Variants in NNT observed in about 807,000 individuals in gnomAD.
NNT encodes nicotinamide nucleotide transhydrogenase, also known as NAD(P) transhydrogenase, mitochondrial.
Under a neutral mutation model 104.8 loss-of-function variants are expected in NNT, and 50 were observed. The ratio of observed to expected loss-of-function variants is 0.48; its 90% CI spans 0.38 to 0.60. NNT has a LOEUF of 0.60. Among genes scored for constraint, NNT ranks in the 20% least tolerant of loss-of-function variants. The pLI, the probability that NNT is intolerant of heterozygous loss-of-function variation, is 0.00. For synonymous variants in NNT, 461 were observed against 490.4 expected (o/e 0.94, Z 0.79); for missense variants, 1,131 against 1,330.7 (o/e 0.85, Z 2.33).
At chr5:43,664,333 T>C (rs2112002043) in intron 17 of NNT, among the ~76,000 whole-genome samples, 1 of 152,348 alleles carries the variant, frequency 6.6e-6, no homozygotes, top group African/African-American at 2.4e-5. Flanking sequence ...GATCGAATTT[T>C]CTGATTTTTG....
Position 43,624,172 on chromosome 5 carries a change from G to T in NNT, c.776+52G>T, listed in dbSNP as rs1401388239. On this transcript the variant is annotated intron_variant, in intron 6 of 21. Coordinates refer to ENST00000344920, the MANE Select transcript of NNT (RefSeq NM_182977.3). ...TAAGGTAAAAACATTTTGTTTCAGG[G>T]GCATATTATGATTGCCTTAAAACTT... The T allele has an allele frequency of 4.6e-6, 7 of 1,518,766 alleles. No individual in the cohort carries two copies. The South Asian group carries it at 7.9e-5, about 17-fold the overall frequency. The allele number at this position is 1,518,766 out of a possible 1,614,324, so 94.1% of individuals were successfully genotyped here. A position where few individuals can be genotyped will look rare whatever the true frequency, so the allele number is the denominator to read the frequency against.
At chr5:43,615,803 TTAAAG>T (rs764357020) in intron 3 of NNT, 40 bp from the exon 4 acceptor site, 10 of 1,403,684 alleles carry the variant, frequency 7.1e-6, no homozygotes, top group African/African-American at 1.5e-5. Context: ...AAAAATATGA[TTAAAG>T]TATTTATATT....
intron 12 of NNT, 53 bp from the exon 13 acceptor site, chr5:43,651,686 G>T: frequency 1.3e-6 from 2 of 1,580,804 alleles, no homozygotes; most frequent in Middle Eastern, 1.7e-4. Context: ...AAATCATGTT[G>T]CTCAGTGAGC....
intron 1 of NNT, among the ~76,000 whole-genome samples, chr5:43,607,339 T>G (rs1335198619): frequency 1.3e-5 from 2 of 152,212 alleles, no homozygotes; most frequent in African/African-American, 2.4e-5. Flanking sequence ...ACTGATCAAT[T>G]GACCTTGTGA....
At chr5:43,700,096 C>G (rs370562558) in intron 19 of NNT, 23 bp from the exon 20 acceptor site, 1 of 1,580,936 alleles carries the variant, frequency 6.3e-7, no homozygotes, top group South Asian at 1.1e-5. Context: ...GTAAGGCCAG[C>G]TCTTCATTTG....
At chr5:43,652,170 A>G (rs1326248204) in intron 13 of NNT, among the ~76,000 whole-genome samples, 1 of 152,216 alleles carries the variant, frequency 6.6e-6, no homozygotes, top group African/African-American at 2.4e-5. Context: ...GGTTATCAGT[A>G]TCTTCATTAT....
chr5:43,669,509 A>C lies in NNT; in HGVS notation c.2635-6002A>C, dbSNP rs1274358671. On this transcript the variant is annotated intron_variant, in intron 17 of 21. Transcript: ENST00000344920. ...GCATGAAGAGTTGTTGAATTTTGTC[A>C]AAGGCCTTTTCTGCATCTATTGAGA... 3.9e-5 allele frequency among the ~76,000 whole-genome samples: 6 copies of C among 152,152 alleles called. No individual in the cohort carries two copies. In the East Asian group the frequency reaches 7.7e-4, roughly 20 times the overall value.
intron 7 of NNT, among the ~76,000 whole-genome samples, chr5:43,637,596 A>C (rs1280175976): frequency 2.0e-5 from 3 of 152,062 alleles, no homozygotes; most frequent in Admixed American, 6.6e-5. Context: ...GTGCTCCTTC[A>C]TGCTTTCCTC....
At chr5:43,679,254 T>G (rs1420839449) in intron 19 of NNT, among the ~76,000 whole-genome samples, 1 of 152,272 alleles carries the variant, frequency 6.6e-6, no homozygotes, top group Non-Finnish European at 1.5e-5. Context: ...AGAAACTGTT[T>G]TCTCTATTTA....
chr5:43,651,694 A>G (rs753423375), intron 12 of NNT, 45 bp from the exon 13 acceptor site: 1 of 1,599,306 alleles, frequency 6.3e-7, no homozygotes, highest in Admixed American at 1.7e-5. Context: ...TTGCTCAGTG[A>G]GCTCAAAGAG....
At chr5:43,691,664 A>T (rs1231525343) in intron 19 of NNT, among the ~76,000 whole-genome samples, 1 of 152,258 alleles carries the variant, frequency 6.6e-6, no homozygotes. Flanking sequence ...GCTGATTAAT[A>T]ATGCAATGTG....
intron 19 of NNT, among the ~76,000 whole-genome samples, chr5:43,696,297 T>C (rs1212483221): frequency 2.0e-5 from 3 of 152,202 alleles, no homozygotes; most frequent in African/African-American, 7.2e-5. Flanking sequence ...CAATCAAATC[T>C]TAAAGCTCAA....
At chr5:43,698,207 A>AAT (rs997969455) in intron 19 of NNT, among the ~76,000 whole-genome samples, 16 of 151,776 alleles carry the variant, frequency 1.1e-4, no homozygotes, top group South Asian at 2.1e-4. Context: ...AATATATGAA[A>AAT]ATATATATAT....
intron 14 of NNT, among the ~76,000 whole-genome samples, chr5:43,654,823 G>A (rs1388921234): frequency 6.6e-6 from 1 of 152,128 alleles, no homozygotes; most frequent in African/African-American, 2.4e-5. Context: ...ACTGGCTTTA[G>A]GCCTCCTTTT....
intron 7 of NNT, among the ~76,000 whole-genome samples, chr5:43,636,840 A>T (rs1051732187): frequency 6.6e-6 from 1 of 152,192 alleles, no homozygotes; most frequent in Non-Finnish European, 1.5e-5. Flanking sequence ...TATTAAGTTA[A>T]TCCTTTCAAA....
chr5:43,688,597 T>C (rs1236343606), intron 19 of NNT, among the ~76,000 whole-genome samples: 1 of 152,054 alleles, frequency 6.6e-6, no homozygotes. Flanking sequence ...AAGTTCAATG[T>C]ATTGTTCTTA....
At chr5:43,619,690 T>C (rs1258295963) in intron 5 of NNT, among the ~76,000 whole-genome samples, 1 of 152,206 alleles carries the variant, frequency 6.6e-6, no homozygotes, top group Non-Finnish European at 1.5e-5. Flanking sequence ...TTCAATCCTA[T>C]GTACACTCAG....
chr5:43,644,057 C>A, intron 7 of NNT, 135 bp from the exon 8 acceptor site: 2 of 770,794 alleles, frequency 2.6e-6, no homozygotes, highest in Non-Finnish European at 2.1e-6. Flanking sequence ...ATGCTATGGT[C>A]TTTAGGGGTC....
chr5:43,693,710 A>T (rs916519371), intron 19 of NNT, among the ~76,000 whole-genome samples: 1 of 152,224 alleles, frequency 6.6e-6, no homozygotes, highest in African/African-American at 2.4e-5. Context: ...AGAGAATTAA[A>T]AAAAAATTAA....
Sources: gnomAD v4.1 joint callset for allele counts (sites outside exome capture counted in the v4.1 genomes callset) on GRCh38, gnomAD v4.1.1 for gene constraint, MANE v1.5 for transcripts, NCBI Gene and HGNC (gene_info 2026-07-23, HGNC 2026-07-21) for gene names.